SLC26A7: variants seen among roughly 807,000 people sequenced by gnomAD.
The protein encoded by SLC26A7 is anion exchange transporter.
In SLC26A7, 59 loss-of-function variants were observed where a neutral mutation model predicts 82.5. The ratio of observed to expected loss-of-function variants is 0.72; its 90% CI spans 0.58 to 0.89. The LOEUF is 0.89. SLC26A7 is among the 40% of genes least tolerant of loss of function. The probability of loss-of-function intolerance (pLI) is 0.00; values close to 1 mark genes in which losing one functional copy is unlikely to be tolerated. For missense variants in SLC26A7, 820 were observed against 793.0 expected, an observed-to-expected ratio of 1.03 and a Z score of -0.41; for synonymous variants, 271 against 274.3, an observed-to-expected ratio of 0.99 and a Z score of 0.12.
intron 11 of SLC26A7, among the ~76,000 whole-genome samples, chr8:91,353,702 TTTCTC>T (rs995202907): frequency 9.9e-5 from 15 of 152,190 alleles, no homozygotes; most frequent in African/African-American, 3.4e-4. Flanking sequence ...AAATACATAT[TTTCTC>T]TTCTTCAGAT....
At chr8:91,355,623 T>C (rs1043178263) in intron 11 of SLC26A7, among the ~76,000 whole-genome samples, 7 of 152,124 alleles carry the variant, frequency 4.6e-5, no homozygotes, top group African/African-American at 1.7e-4. Context: ...GTTTTTCTGG[T>C]TTTTGTTGAT....
At position 91,397,796 on chromosome 8, in the gene SLC26A7, A is replaced by T. The variant is rs529905726; in HGVS notation, c.*2699A>T. 4 of 152,558 alleles carry T rather than the reference A, an allele frequency of 2.6e-5. No individual in the cohort carries two copies. Among genetic ancestry groups the T allele is most frequent in the African/African-American group, 4.8e-5 (2 of 41,462 alleles). 9.5% of individuals were successfully genotyped at this position (152,558 alleles called of 1,614,324 possible). A position where few individuals can be genotyped will look rare whatever the true frequency, so the allele number is the denominator to read the frequency against. ...TTTTTAATGAAAACATTAATGTGTTAATACCCTGTATGGATAATGCTTGAC... is the reference window on the plus strand; with the variant it reads ...TTTTTAATGAAAACATTAATGTGTTTATACCCTGTATGGATAATGCTTGAC... On this transcript the variant is annotated 3_prime_UTR_variant, in exon 19 of 19. Coordinates refer to ENST00000276609, the MANE Select transcript of SLC26A7 (RefSeq NM_052832.4).
At chr8:91,218,951 A>G (rs1489543436) in exon 2 of SLC26A7, 1 of 1,551,164 alleles carries the variant, frequency 6.4e-7, no homozygotes, top group African/African-American at 1.4e-5. Flanking sequence ...TGTTCTTACA[A>G]ATGTTTTACT....
intron 4 of SLC26A7, among the ~76,000 whole-genome samples, chr8:91,302,291 A>G (rs1033339622): frequency 3.3e-5 from 5 of 152,026 alleles, no homozygotes; most frequent in East Asian, 1.9e-4. Flanking sequence ...AGGTGTGTTC[A>G]TTACTGTAGG....
Position 91,243,949 on chromosome 8 carries a change from T to A in SLC26A7, c.-33-5670T>A, listed in dbSNP as rs188513260. On this transcript the variant is annotated intron_variant, in intron 2 of 5. Coordinates refer to the SLC26A7 transcript ENST00000522862. ...AGTAAAAAGATGAAAATATATCATA[T>A]TATGAATAACTGAAGGAACTTAGTA... Among the ~76,000 whole-genome samples the A allele has an allele frequency of 1.1e-4, 16 of 152,334 alleles. No homozygotes were observed. The East Asian group carries it at 2.9e-3, about 28-fold the overall frequency.
intron 4 of SLC26A7, among the ~76,000 whole-genome samples, chr8:91,317,462 C>G (rs1156991289): frequency 1.3e-5 from 2 of 152,108 alleles, no homozygotes; most frequent in African/African-American, 4.8e-5. Context: ...AATAATTATG[C>G]CTAGTGTTCC....
chr8:91,266,518 A>C (rs1025671227), intron 2 of SLC26A7, among the ~76,000 whole-genome samples: 1 of 151,600 alleles, frequency 6.6e-6, no homozygotes, highest in African/African-American at 2.4e-5. Context: ...TGCCTTCTTG[A>C]ATTCTTTTTT....
intron 10 of SLC26A7, among the ~76,000 whole-genome samples, chr8:91,352,467 T>C (rs926600102): frequency 5.9e-5 from 9 of 152,268 alleles, no homozygotes; most frequent in Non-Finnish European, 1.2e-4. Context: ...TCAAGTTCGC[T>C]TTTCAAGAGA....
rs1586403382 is a variant in SLC26A7 at position 91,318,337 on chromosome 8, G to A, written c.599G>A (p.Gly200Glu). Residue 200 changes from glycine to glutamate, a missense_variant, in exon 5 of 19, where the codon GGA becomes GAA. Coordinates refer to ENST00000276609, the MANE Select transcript of SLC26A7 (RefSeq NM_052832.4). Reference protein sequence around the residue: ...VVTSQVKYLLGMKMPYISGPL... With the variant: ...VVTSQVKYLLEMKMPYISGPL... ...ACTTCACAAGTCAAATATCTCTTGGGAATGAAAATGCCATATATATCCGGA... is the reference window on the plus strand; with the variant it reads ...ACTTCACAAGTCAAATATCTCTTGGAAATGAAAATGCCATATATATCCGGA... 7 of 1,611,918 alleles carry A rather than the reference G, an allele frequency of 4.3e-6. No individual in the cohort carries two copies. In the East Asian group the frequency reaches 1.6e-4, roughly 36 times the overall value.
At chr8:91,299,634 T>A (rs535677498) in intron 4 of SLC26A7, among the ~76,000 whole-genome samples, 1 of 152,324 alleles carries the variant, frequency 6.6e-6, no homozygotes, top group African/African-American at 2.4e-5. Context: ...TCTTTGCTAT[T>A]CTACTGCCCT....
At chr8:91,383,730 G>A (rs1814724664) in intron 15 of SLC26A7, among the ~76,000 whole-genome samples, 1 of 152,106 alleles carries the variant, frequency 6.6e-6, no homozygotes, top group Non-Finnish European at 1.5e-5. Flanking sequence ...GCACTCTGTT[G>A]AGGTCTTTCT....
intron 2 of SLC26A7, among the ~76,000 whole-genome samples, chr8:91,269,689 C>G (rs767992119): frequency 9.9e-5 from 15 of 152,196 alleles, no homozygotes; most frequent in Non-Finnish European, 1.9e-4. Flanking sequence ...AAATTTTCAG[C>G]CATTAATTTC....
intron 3 of SLC26A7, among the ~76,000 whole-genome samples, chr8:91,290,792 T>A (rs1811843379): frequency 2.0e-5 from 3 of 152,212 alleles, no homozygotes; most frequent in Admixed American, 2.0e-4. Context: ...TACACATATT[T>A]TCTGTTAACA....
chr8:91,300,800 A>T (rs1456544534), intron 4 of SLC26A7, among the ~76,000 whole-genome samples: 1 of 152,218 alleles, frequency 6.6e-6, no homozygotes, highest in Non-Finnish European at 1.5e-5. Flanking sequence ...AATTGTGAAA[A>T]CAGTGGGCAT....
Position 91,249,823 on chromosome 8 carries a change from G to T in SLC26A7, c.172G>T (p.Ala58Ser). The change falls in exon 2 of 19, where the codon GCA becomes TCA. Residue 58 changes from alanine (A) to serine (S), a missense_variant. Physicochemically the swap from Ala to Ser is moderately conservative, Grantham distance 99. Coordinates refer to ENST00000276609, the MANE Select transcript of SLC26A7 (RefSeq NM_052832.4). ...LPDTVSGIML[A>S]VQQVTQGLAF... ...AGACACTGTGTCTGGGATAATGTTG[G>T]CAGTTCAACAGGTGACCCAAGGTAA... 1 of 1,605,926 alleles carries T rather than the reference G, an allele frequency of 6.2e-7. No individual in the cohort carries two copies. The highest frequency in any genetic ancestry group is 8.5e-7 in the Non-Finnish European group (1 of 1,177,214).
intron 2 of SLC26A7, among the ~76,000 whole-genome samples, chr8:91,285,899 A>G (rs1236716719): frequency 6.6e-6 from 1 of 152,228 alleles, no homozygotes; most frequent in Admixed American, 6.5e-5. Context: ...ATTCAGGTAC[A>G]TTACTCAATT....
Position 91,289,174 on chromosome 8 carries a change from T to G in SLC26A7, c.232T>G (p.Phe78Val). ...TGTTCTCTCATCTGTGCACCCAGTG[T>G]TTGGTTTATATGGGTCTCTGTTTCC... Reference protein sequence around the residue: ...FAVLSSVHPVFGLYGSLFPAI... With the variant: ...FAVLSSVHPVVGLYGSLFPAI... The change falls in exon 3 of 19, where the codon TTT (phenylalanine) becomes GTT (valine). Residue 78 changes from phenylalanine to valine, a missense_variant. Coordinates refer to ENST00000276609, the MANE Select transcript of SLC26A7 (RefSeq NM_052832.4). 6.2e-7 allele frequency: 1 copy of G among 1,614,058 alleles called. No individual in the cohort carries two copies. Among genetic ancestry groups the G allele is most frequent in the Non-Finnish European group, 8.5e-7 (1 of 1,179,960 alleles).
chr8:91,248,755 T>A (rs1260281084), upstream of SLC26A7, among the ~76,000 whole-genome samples: 1 of 152,122 alleles, frequency 6.6e-6, no homozygotes, highest in Admixed American at 6.6e-5. Flanking sequence ...TCAGTAAATT[T>A]CAGTTACAGT....
intron 15 of SLC26A7, among the ~76,000 whole-genome samples, chr8:91,382,086 C>T (rs1814685748): frequency 6.6e-6 from 1 of 152,096 alleles, no homozygotes; most frequent in Admixed American, 6.6e-5. Context: ...GCCTCAGAAT[C>T]CTCTCAACAT....
Sources: gnomAD v4.1 joint callset for allele counts (sites outside exome capture counted in the v4.1 genomes callset) on GRCh38, gnomAD v4.1.1 for gene constraint, MANE v1.5 for transcripts, NCBI Gene and HGNC (gene_info 2026-07-23, HGNC 2026-07-21) for gene names.